Variants in RABGAP1L observed in about 807,000 individuals in gnomAD.
RABGAP1L encodes the protein rab GTPase-activating protein 1-like.
In RABGAP1L, 63 loss-of-function variants were observed where a neutral mutation model predicts 137.7. The ratio of observed to expected loss-of-function variants is 0.46; its 90% CI spans 0.37 to 0.56. RABGAP1L has a LOEUF of 0.56. RABGAP1L is among the 20% of genes least tolerant of loss of function. The pLI is 0.00. For missense variants in RABGAP1L, 1,095 were observed against 1,244.0 expected, an observed-to-expected ratio of 0.88 and a Z score of 1.80; for synonymous variants, 431 against 433.7, an observed-to-expected ratio of 0.99 and a Z score of 0.08.
At chr1:174,458,485 C>T (rs1205272943) in intron 13 of RABGAP1L, among the ~76,000 whole-genome samples, 2 of 151,996 alleles carry the variant, frequency 1.3e-5, no homozygotes, top group Non-Finnish European at 2.9e-5. Context: ...CTGATTCAGT[C>T]AGGCATCAGG....
chr1:174,441,591 A>G (rs1339183817), intron 13 of RABGAP1L, among the ~76,000 whole-genome samples: 1 of 151,972 alleles, frequency 6.6e-6, no homozygotes, highest in African/African-American at 2.4e-5. Context: ...AAAATTAGTC[A>G]GGCGTGGTGG....
At chr1:174,978,743 T>C (rs1322373444) in intron 22 of RABGAP1L, 64 bp from the exon 23 acceptor site, 4 of 1,479,858 alleles carry the variant, frequency 2.7e-6, no homozygotes, top group East Asian at 5.1e-5. Flanking sequence ...GACTTGAATA[T>C]AGATGTTTGT....
intron 19 of RABGAP1L, among the ~76,000 whole-genome samples, chr1:174,858,883 G>A (rs1649750138): frequency 6.6e-6 from 1 of 152,024 alleles, no homozygotes; most frequent in Non-Finnish European, 1.5e-5. Flanking sequence ...TAACAATTCT[G>A]GCTATTATTA....
At chr1:174,369,434 T>G (rs2148993864) in intron 11 of RABGAP1L, among the ~76,000 whole-genome samples, 1 of 152,304 alleles carries the variant, frequency 6.6e-6, no homozygotes, top group Non-Finnish European at 1.5e-5. Context: ...CAGGCCCTCC[T>G]TGGCCTCCCA....
intron 1 of RABGAP1L, among the ~76,000 whole-genome samples, chr1:174,172,555 A>G (rs1176174681): frequency 1.3e-5 from 2 of 152,164 alleles, no homozygotes; most frequent in Admixed American, 6.5e-5. Flanking sequence ...GTGTGAGGTG[A>G]TAGCTCATTG....
At chr1:174,172,210 G>A (rs1665467250) in intron 1 of RABGAP1L, among the ~76,000 whole-genome samples, 2 of 116,966 alleles carry the variant, frequency 1.7e-5, no homozygotes, top group Non-Finnish European at 1.8e-5. Context: ...GTGTGTGTGT[G>A]TGTGTGTATA....
intron 13 of RABGAP1L, among the ~76,000 whole-genome samples, chr1:174,475,504 C>T (rs1658405359): frequency 6.6e-6 from 1 of 151,824 alleles, no homozygotes; most frequent in Non-Finnish European, 1.5e-5. Flanking sequence ...TGCTGTATAT[C>T]CAAATATTAG....
chr1:174,952,645 C>T (rs1206542943), intron 19 of RABGAP1L, among the ~76,000 whole-genome samples: 3 of 152,080 alleles, frequency 2.0e-5, no homozygotes, highest in Non-Finnish European at 4.4e-5. Flanking sequence ...GGCTGGAGTG[C>T]AGTGGCATGA....
At chr1:174,587,412 G>A (rs1217798676) in intron 13 of RABGAP1L, among the ~76,000 whole-genome samples, 1 of 150,996 alleles carries the variant, frequency 6.6e-6, no homozygotes, top group Non-Finnish European at 1.5e-5. Flanking sequence ...CCTGCACATT[G>A]TGCACATGTA....
chr1:174,894,530 G>A (rs984385518), intron 19 of RABGAP1L, among the ~76,000 whole-genome samples: 1 of 152,144 alleles, frequency 6.6e-6, no homozygotes, highest in Non-Finnish European at 1.5e-5. Context: ...GAGAAGGCTG[G>A]AAAATAAATA....
chr1:174,824,937 C>T (rs1285835739), intron 19 of RABGAP1L, among the ~76,000 whole-genome samples: 1 of 152,160 alleles, frequency 6.6e-6, no homozygotes, highest in African/African-American at 2.4e-5. Flanking sequence ...TGAAGTTCCA[C>T]TTAAAGACAA....
At chr1:174,514,868 A>G (rs1662675314) in intron 13 of RABGAP1L, among the ~76,000 whole-genome samples, 1 of 152,094 alleles carries the variant, frequency 6.6e-6, no homozygotes, top group Admixed American at 6.6e-5. Flanking sequence ...GAACTGCTTT[A>G]TATGCTTAAA....
At chr1:174,229,667 A>G (rs1189160860) in intron 3 of RABGAP1L, among the ~76,000 whole-genome samples, 1 of 152,196 alleles carries the variant, frequency 6.6e-6, no homozygotes, top group Non-Finnish European at 1.5e-5. Flanking sequence ...GGAGTAGAGG[A>G]AAAAGTCATT....
At chr1:174,547,973 T>G in intron 13 of RABGAP1L, 1 of 1,550,554 alleles carries the variant, frequency 6.4e-7, no homozygotes, top group Non-Finnish European at 8.7e-7. Flanking sequence ...ACTTATACTT[T>G]TTGTTTTAGT....
At chr1:174,574,190 C>T (rs1460950009) in intron 13 of RABGAP1L, among the ~76,000 whole-genome samples, 1 of 152,112 alleles carries the variant, frequency 6.6e-6, no homozygotes. Context: ...CAGATTTAAG[C>T]CATTTTCTCA....
chr1:174,801,336 C>T (rs1040841250), intron 18 of RABGAP1L, among the ~76,000 whole-genome samples: 1 of 152,186 alleles, frequency 6.6e-6, no homozygotes, highest in Non-Finnish European at 1.5e-5. Flanking sequence ...CTATGGTTCT[C>T]TCATATTAGA....
chr1:174,360,707 A>G (rs1442538936), intron 11 of RABGAP1L, among the ~76,000 whole-genome samples: 1 of 151,648 alleles, frequency 6.6e-6, no homozygotes, highest in Admixed American at 6.6e-5. Context: ...CAACAGACTG[A>G]CTCCTCCCAT....
chr1:174,546,671 C>T (rs965320887), intron 13 of RABGAP1L, among the ~76,000 whole-genome samples: 3 of 152,154 alleles, frequency 2.0e-5, no homozygotes, highest in Non-Finnish European at 4.4e-5. Flanking sequence ...AATTGCTTTA[C>T]AAAAATTGAG....
intron 21 of RABGAP1L, among the ~76,000 whole-genome samples, chr1:174,969,755 C>G (rs1669971976): frequency 6.6e-6 from 1 of 152,072 alleles, no homozygotes; most frequent in South Asian, 2.1e-4. Flanking sequence ...GAATTATTCT[C>G]CATAATAAAT....
Sources: gnomAD v4.1 joint callset for allele counts (sites outside exome capture counted in the v4.1 genomes callset) on GRCh38, gnomAD v4.1.1 for gene constraint, MANE v1.5 for transcripts, NCBI Gene and HGNC (gene_info 2026-07-23, HGNC 2026-07-21) for gene names.